The following CAPN2 variants were observed in gnomAD, a reference collection of about 807,000 sequenced individuals.
CAPN2 encodes calpain 2, also known as calpain-2 catalytic subunit.
CAPN2 carries 92 observed loss-of-function variants against 102.3 expected under a neutral mutation model. The ratio of observed to expected loss-of-function variants is 0.90; its 90% CI spans 0.76 to 1.07. The LOEUF is 1.07. CAPN2 is among the 50% of genes least tolerant of loss of function. CAPN2 has a pLI of 0.00. For missense variants in CAPN2, 800 were observed against 909.4 expected (o/e 0.88, Z 1.55); for synonymous variants, 340 against 355.4 (o/e 0.96, Z 0.49).
intron 16 of CAPN2, 80 bp downstream of exon 16, chr1:223,766,511 T>A: frequency 8.9e-7 from 1 of 1,128,138 alleles, no homozygotes; most frequent in Non-Finnish European, 1.3e-6. Flanking sequence ...CACATGGCCT[T>A]CTCCCTTTTC....
intron 17 of CAPN2, 160 bp downstream of exon 17, chr1:223,770,069 T>A: frequency 2.9e-6 from 2 of 684,366 alleles, no homozygotes; most frequent in South Asian, 1.8e-5. Context: ...GCTGAGGAAA[T>A]GCAAACAAAA....
rs889043564 is a variant in CAPN2, at chr1:223,726,259, C to T, written c.307+8428C>T. ...CGAGGGCAAGGTTCCACCTCCTCCT[C>T]CCTTCTTCTGTGGGGTCTGTGATGA... On this transcript the variant is annotated intron_variant, in intron 2 of 20. Coordinates refer to ENST00000295006, the MANE Select transcript of CAPN2 (RefSeq NM_001748.5). This position sits in a 1 kb window ranked among gnomAD's most constrained non-coding sequence, Gnocchi z 4.4. 6.6e-6 allele frequency among the ~76,000 whole-genome samples: 1 copy of T among 152,170 alleles called. No individual in the cohort carries two copies. The highest frequency in any genetic ancestry group is 1.5e-5 in the Non-Finnish European group (1 of 68,036).
chr1:223,710,725 A>G (rs1659708550), upstream of CAPN2, among the ~76,000 whole-genome samples: 1 of 152,168 alleles, frequency 6.6e-6, no homozygotes, highest in Admixed American at 6.5e-5. Context: ...ATTCCTTTCT[A>G]TTGATCCTGG....
Position 223,771,940 on chromosome 1 carries a change from G to A in CAPN2, c.2020+15G>A. On this transcript the variant is annotated intron_variant, in intron 19 of 20. Transcript: ENST00000295006. ...AACGCTATTCAGTAAGTGGATATTT[G>A]GGGAATGACTCATTTCAGTTCTCTT... 6.5e-7 allele frequency: 1 copy of A among 1,545,272 alleles called. No homozygotes were observed. Among genetic ancestry groups the A allele is most frequent in the Non-Finnish European group, 9.0e-7 (1 of 1,117,262 alleles).
Position 223,726,150 on chromosome 1 carries a change from A to G in CAPN2, c.307+8319A>G, listed in dbSNP as rs1372481705. Among the ~76,000 whole-genome samples, 10 of 152,316 alleles carry G rather than the reference A, an allele frequency of 6.6e-5. No homozygotes were observed. The South Asian group carries it at 2.1e-3, about 32-fold the overall frequency. On this transcript the variant is annotated intron_variant, in intron 2 of 20. Transcript: ENST00000295006. The surrounding 1 kb of genome is among the most constrained non-coding windows in gnomAD (Gnocchi z 4.4). ...GTGAATCCCCTCAGGAAGTCAGGAA[A>G]ATAGATACTGTCTTTGGGCTTCCTC...
At position 223,724,283 on chromosome 1, in the gene CAPN2, G is replaced by A. The variant is rs960712161; in HGVS notation, c.307+6452G>A. ...CTGGGGATTTGAGAAATGAAGGACC[G>A]TGGGTTCCATGAGGTCTGTTGGGGT... On this transcript the variant is annotated intron_variant, in intron 2 of 20. Transcript: ENST00000295006. 7.2e-5 allele frequency among the ~76,000 whole-genome samples: 11 copies of A among 152,272 alleles called. No homozygotes were observed. The East Asian group carries it at 9.7e-4, about 13-fold the overall frequency.
At chr1:223,720,071 TAGACTC>T (rs1660010356) in intron 2 of CAPN2, among the ~76,000 whole-genome samples, 1 of 152,170 alleles carries the variant, frequency 6.6e-6, no homozygotes, top group South Asian at 2.1e-4. Flanking sequence ...GATATGAGCC[TAGACTC>T]AGCTCTGTTG....
At position 223,755,800 on chromosome 1, in the gene CAPN2, A is replaced by T; in HGVS notation, c.1305+151A>T. ...CAAAACTACCAGCCTGGCCAGGCTC[A>T]GGAGTAGCCCCCGTAGGGAGGCCCC... On this transcript the variant is annotated intron_variant, in intron 10 of 20. Transcript: ENST00000295006. The surrounding 1 kb of genome is among the most constrained non-coding windows in gnomAD (Gnocchi z 4.1). 1 of 790,594 alleles carries T rather than the reference A, an allele frequency of 1.3e-6. No homozygotes were observed. Among genetic ancestry groups the T allele is most frequent in the Non-Finnish European group, 1.9e-6 (1 of 516,690 alleles). 49.0% of individuals were successfully genotyped at this position (790,594 alleles called of 1,614,324 possible). A position where few individuals can be genotyped will look rare whatever the true frequency, so the allele number is the denominator to read the frequency against.
chr1:223,753,168 G>C (rs1302112545), intron 9 of CAPN2, among the ~76,000 whole-genome samples: 1 of 151,912 alleles, frequency 6.6e-6, no homozygotes, highest in African/African-American at 2.4e-5. Context: ...CTTACCTCCT[G>C]CCCTACCCAG....
chr1:223,770,184 G>A (rs1661436399), intron 17 of CAPN2: 1 of 577,104 alleles, frequency 1.7e-6, no homozygotes, highest in African/African-American at 1.9e-5. Flanking sequence ...GTTTTTGACA[G>A]CTAAAGTACA....
chr1:223,748,842 C>T (rs1361069171), intron 5 of CAPN2, among the ~76,000 whole-genome samples, 197 bp from the exon 6 acceptor site: 3 of 152,230 alleles, frequency 2.0e-5, no homozygotes, highest in Non-Finnish European at 4.4e-5. Flanking sequence ...CTGGTATTCT[C>T]GGCGTTCAAG....
At position 223,712,606 on chromosome 1, in the gene CAPN2, C is replaced by A. The variant is rs1659759396; in HGVS notation, c.-35C>A. On this transcript the variant is annotated 5_prime_UTR_variant, in exon 1 of 21. Coordinates refer to ENST00000295006, the MANE Select transcript of CAPN2 (RefSeq NM_001748.5). ...GAGCGCAGCGCGGAGTCGCCCCGAC[C>A]TTTCTCTGCGCAGTACGGCCGCCGG... The A allele has an allele frequency of 6.7e-7, 1 of 1,486,248 alleles. No homozygotes were observed. Among genetic ancestry groups the A allele is most frequent in the Non-Finnish European group, 8.9e-7 (1 of 1,117,786 alleles). The allele number at this position is 1,486,248 out of a possible 1,614,324, so 92.1% of individuals were successfully genotyped here.
At position 223,745,416 on chromosome 1, in the gene CAPN2, C is replaced by A; in HGVS notation, c.537C>A (p.Ala179=). 1.2e-6 allele frequency: 2 copies of A among 1,614,208 alleles called. No individual in the cohort carries two copies. Among genetic ancestry groups the A allele is most frequent in the Non-Finnish European group, 1.7e-6 (2 of 1,180,038 alleles). ...HSAEGSEFWS[A]LLEKAYAKIN... ...CCGAAGGGAGCGAGTTCTGGAGCGC[C>A]CTGCTGGAGAAGGCATACGCCAAGT... is the stretch of plus-strand genomic sequence containing the variant. The change falls in exon 4 of 21, where the codon GCC becomes GCA. Residue 179 remains alanine (A), a synonymous_variant. Coordinates refer to ENST00000295006, the MANE Select transcript of CAPN2 (RefSeq NM_001748.5).
rs777370950 is a variant in CAPN2, at chr1:223,771,785, G to GT, written c.1904-21dup. 8.2e-4 allele frequency: 1,165 copies of GT among 1,427,292 alleles called. 10 individuals carry two copies. Among genetic ancestry groups the GT allele is most frequent in the East Asian group, 7.5e-4 (33 of 44,014 alleles). The allele number at this position is 1,427,292 out of a possible 1,614,324, so 88.4% of individuals were successfully genotyped here. A position where few individuals can be genotyped will look rare whatever the true frequency, so the allele number is the denominator to read the frequency against. ...GGAACAATCTAATGCTTAGCAATGA[G>GT]TTTGTTTGTTCATGTAACTTCAGGT... On this transcript the variant is annotated intron_variant, in intron 18 of 20. Coordinates refer to ENST00000295006, the MANE Select transcript of CAPN2 (RefSeq NM_001748.5).
chr1:223,762,195 A>T lies in CAPN2; in HGVS notation c.1576A>T (p.Ser526Cys), dbSNP rs770346469. ...CTGCCTCACCTTCCAGTTCGACATC[A>T]GCGAGGATGACATTGATGATGGATT... ...IEANLEEFDI[S>C]EDDIDDGFRR... The change falls in exon 14 of 21, where the codon AGC becomes TGC. Residue 526 changes from serine (S) to cysteine (C), a missense_variant. Physicochemically the swap from Ser to Cys is moderately radical, Grantham distance 112 (BLOSUM62 -1). Coordinates refer to ENST00000295006, the MANE Select transcript of CAPN2 (RefSeq NM_001748.5). 3 of 1,613,922 alleles carry T rather than the reference A, an allele frequency of 1.9e-6. No homozygotes were observed. The highest frequency in any genetic ancestry group is 2.5e-6 in the Non-Finnish European group (3 of 1,179,866).
chr1:223,708,522 A>T (rs1272944081), upstream of CAPN2, among the ~76,000 whole-genome samples: 1 of 152,116 alleles, frequency 6.6e-6, no homozygotes, highest in African/African-American at 2.4e-5. Flanking sequence ...TAATCCTAGC[A>T]CTTTGGGAGG....
At position 223,752,064 on chromosome 1, in the gene CAPN2, G is replaced by A; in HGVS notation, c.967G>A (p.Glu323Lys). 6.2e-7 allele frequency: 1 copy of A among 1,610,002 alleles called. No individual in the cohort carries two copies. Among genetic ancestry groups the A allele is most frequent in the African/African-American group, 1.3e-5 (1 of 74,954 alleles). Residue 323 changes from glutamate to lysine, a missense_variant, in exon 8 of 21, where the codon GAA becomes AAA. By Grantham distance (56) the Glu-to-Lys change is moderately conservative. Transcript: ENST00000295006. ...ERLTRRHEDG[E>K]FWMSFSDFLR... is the part of the protein sequence containing the mutation. The stretch of plus-strand genomic sequence containing the variant: ...GCTGACCAGACGGCATGAAGATGGA[G>A]AATTCTGGTAAGATTAGTGGAGGCT...
upstream of CAPN2, among the ~76,000 whole-genome samples, chr1:223,708,968 G>A (rs534326903): frequency 6.6e-6 from 1 of 152,276 alleles, no homozygotes; most frequent in South Asian, 2.1e-4. Flanking sequence ...AAATCAAACA[G>A]AAAAAGATTC....
At chr1:223,763,517 G>C (rs1474145254) in intron 14 of CAPN2, among the ~76,000 whole-genome samples, 2 of 152,252 alleles carry the variant, frequency 1.3e-5, no homozygotes, top group African/African-American at 4.8e-5. Context: ...TAAGTGGATA[G>C]AGACATCTGA....
Sources: allele counts gnomAD v4.1 joint callset (sites outside exome capture counted in the v4.1 genomes callset), GRCh38; gene constraint gnomAD v4.1.1; non-coding constraint Gnocchi (gnomAD v3.1); transcripts MANE v1.5; gene names NCBI Gene and HGNC (gene_info 2026-07-23, HGNC 2026-07-21).